Variants in TBC1D23 observed in about 807,000 individuals in gnomAD.
The protein encoded by TBC1D23 is HCV non-structural protein 4A-transactivated protein 1.
Under a neutral mutation model 91.4 loss-of-function variants are expected in TBC1D23, and 55 were observed. The ratio of observed to expected loss-of-function variants is 0.60; its 90% CI spans 0.48 to 0.75. The LOEUF is 0.75. Ranked by LOEUF, TBC1D23 falls within the 30% of genes least tolerant of loss-of-function variation. TBC1D23 has a pLI of 0.00. For synonymous variants in TBC1D23, 289 were observed against 281.0 expected, an observed-to-expected ratio of 1.03 and a Z score of -0.28; for missense variants, 725 against 836.1, an observed-to-expected ratio of 0.87 and a Z score of 1.64.
At chr3:100,264,402 C>T (rs1338840433) in intron 1 of TBC1D23, among the ~76,000 whole-genome samples, 1 of 149,276 alleles carries the variant, frequency 6.7e-6, no homozygotes, top group Non-Finnish European at 1.5e-5. Context: ...ATATATCTTA[C>T]TGCCTAGCTC....
intron 15 of TBC1D23, among the ~76,000 whole-genome samples, chr3:100,314,265 A>T (rs2148870704): frequency 6.6e-6 from 1 of 151,846 alleles, no homozygotes; most frequent in Non-Finnish European, 1.5e-5. Flanking sequence ...CACCCAGCTG[A>T]TTTTTAAATT....
chr3:100,261,164 G>A (rs2067507051), intron 1 of TBC1D23, 93 bp downstream of exon 1: 6 of 1,292,456 alleles, frequency 4.6e-6, no homozygotes, highest in Non-Finnish European at 5.6e-6. Context: ...CGTCGGCATG[G>A]AACGGAGAGG....
intron 18 of TBC1D23, among the ~76,000 whole-genome samples, chr3:100,321,246 T>C (rs922698732): frequency 1.3e-5 from 2 of 152,248 alleles, no homozygotes; most frequent in Non-Finnish European, 1.5e-5. Context: ...CACTAATTGC[T>C]GGCTTGCAGA....
chr3:100,261,223 G>T, intron 1 of TBC1D23, 152 bp downstream of exon 1: 2 of 695,036 alleles, frequency 2.9e-6, no homozygotes, highest in Non-Finnish European at 4.9e-6. Context: ...CTGCCAGCTG[G>T]GTGCCCCCTG....
chr3:100,261,114 T>C, intron 1 of TBC1D23, 43 bp downstream of exon 1: 1 of 1,579,564 alleles, frequency 6.3e-7, no homozygotes, highest in South Asian at 1.1e-5. Context: ...CCTTTATTCT[T>C]CCTTCTCACC....
At position 100,283,648 on chromosome 3, in the gene TBC1D23, T is replaced by G. The variant is rs1316601197; in HGVS notation, c.313T>G (p.Leu105Val). 6.2e-7 allele frequency: 1 copy of G among 1,613,850 alleles called. No homozygotes were observed. Among genetic ancestry groups the G allele is most frequent in the African/African-American group, 1.3e-5 (1 of 74,928 alleles). Residue 105 changes from leucine (L) to valine (V), a missense_variant, in exon 4 of 19, where the codon TTG becomes GTG. Coordinates refer to ENST00000394144, the MANE Select transcript of TBC1D23 (RefSeq NM_001199198.3). ...VPEEKAAELL[L>V]DIESVITFYC... Reference sequence around the variant, plus strand: ...AGAGGAGAAGGCAGCAGAATTACTTTTGGATATTGAATCTGTAATTACCTT... The same window carrying G: ...AGAGGAGAAGGCAGCAGAATTACTTGTGGATATTGAATCTGTAATTACCTT...
At position 100,316,166 on chromosome 3, in the gene TBC1D23, G is replaced by T. The variant is rs1705740881; in HGVS notation, c.1666G>T (p.Asp556Tyr). The T allele has an allele frequency of 6.2e-7, 1 of 1,613,764 alleles. No homozygotes were observed. The highest frequency in any genetic ancestry group is 1.7e-5 in the Admixed American group (1 of 60,000). Residue 556 changes from aspartate to tyrosine, a missense_variant, in exon 16 of 19, where the codon GAT becomes TAT. Asp to Tyr is a radical substitution (Grantham distance 160, BLOSUM62 -3). Coordinates refer to ENST00000394144, the MANE Select transcript of TBC1D23 (RefSeq NM_001199198.3). Reference protein sequence around the residue: ...RGVKPVFSIGDEEEYDTDEID... With the variant: ...RGVKPVFSIGYEEEYDTDEID... ...CGTAAAGCCTGTTTTCAGCATTGGG[G>T]ATGAAGAAGAATACGACACAGGTGT...
At chr3:100,273,845 C>T (rs917511690) in intron 1 of TBC1D23, among the ~76,000 whole-genome samples, 1 of 152,166 alleles carries the variant, frequency 6.6e-6, no homozygotes, top group African/African-American at 2.4e-5. Context: ...CCCTTCTTTA[C>T]ACTATATACA....
In TBC1D23 at chr3:100,264,544, T is replaced by C. The variant is rs138114707; in HGVS notation, c.53+3473T>C. Among the ~76,000 whole-genome samples, 712 of 152,332 alleles carry C rather than the reference T, an allele frequency of 4.7e-3. 2 individuals are homozygous for C. Among genetic ancestry groups the C allele is most frequent in the Non-Finnish European group, 6.3e-3 (432 of 68,034 alleles). On this transcript the variant is annotated intron_variant, in intron 1 of 18. Transcript: ENST00000394144. ...CATGTTTGAGAACATCGATTACTTT[T>C]GTGTTATTGTAATGTGGTGAGACTT...
intron 18 of TBC1D23, among the ~76,000 whole-genome samples, chr3:100,321,498 A>C (rs1280716166): frequency 2.0e-5 from 3 of 152,180 alleles, no homozygotes; most frequent in African/African-American, 7.2e-5. Flanking sequence ...AAAAATATGA[A>C]GCCCAGAGGG....
At position 100,299,221 on chromosome 3, in the gene TBC1D23, A is replaced by G; in HGVS notation, c.1000-18A>G. 6.4e-7 allele frequency: 1 copy of G among 1,573,818 alleles called. No individual in the cohort carries two copies. Among genetic ancestry groups the G allele is most frequent in the Non-Finnish European group, 8.7e-7 (1 of 1,144,858 alleles). On this transcript the variant is annotated intron_variant, in intron 9 of 18. Transcript: ENST00000394144. ...CTCATGGGAAATTCCTGTATGTCAA[A>G]TGTTGTTTCCGTTTTAGGAAGGAGT...
chr3:100,309,629 T>TTTTTTTG, intron 13 of TBC1D23, among the ~76,000 whole-genome samples: 1 of 148,148 alleles, frequency 6.8e-6, no homozygotes, highest in South Asian at 2.1e-4. Flanking sequence ...TTTTTTTTTT[T>TTTTTTTG]GAGACAGCGT....
At chr3:100,298,298 T>G (rs1705344428) in intron 9 of TBC1D23, among the ~76,000 whole-genome samples, 1 of 79,358 alleles carries the variant, frequency 1.3e-5, no homozygotes, top group Non-Finnish European at 2.3e-5. Flanking sequence ...TCGCCGTATC[T>G]TTTTTCCATA....
chr3:100,291,001 A>G (rs1349131810), intron 5 of TBC1D23, among the ~76,000 whole-genome samples: 1 of 152,226 alleles, frequency 6.6e-6, no homozygotes, highest in South Asian at 2.1e-4. Context: ...TGTAATAAAT[A>G]TGAATATGTA....
At chr3:100,299,432 C>G in intron 10 of TBC1D23, 101 bp downstream of exon 10, 1 of 603,646 alleles carries the variant, frequency 1.7e-6, no homozygotes, top group South Asian at 2.3e-5. Flanking sequence ...TTTCTTTCTG[C>G]TTAAGGAGGG....
At chr3:100,266,755 G>A (rs1457969314) in intron 1 of TBC1D23, among the ~76,000 whole-genome samples, 1 of 152,184 alleles carries the variant, frequency 6.6e-6, no homozygotes, top group Non-Finnish European at 1.5e-5. Flanking sequence ...AGTATAGTGA[G>A]CAATTCAGAG....
At chr3:100,297,409 A>G (rs937878047) in intron 8 of TBC1D23, among the ~76,000 whole-genome samples, 1 of 152,200 alleles carries the variant, frequency 6.6e-6, no homozygotes, top group Admixed American at 6.5e-5. Context: ...GTTCCTAACA[A>G]TGCTGTATAA....
chr3:100,311,919 C>G, intron 15 of TBC1D23, 42 bp downstream of exon 15: 1 of 1,340,648 alleles, frequency 7.5e-7, no homozygotes, highest in African/African-American at 1.4e-5. Flanking sequence ...CCATCCTTTT[C>G]CTTTAATATG....
At chr3:100,299,022 C>A (rs925351688) in intron 9 of TBC1D23, among the ~76,000 whole-genome samples, 1 of 152,118 alleles carries the variant, frequency 6.6e-6, no homozygotes. Context: ...CAGTAAAGAA[C>A]AACATCTAAA....
Sources: gnomAD v4.1 joint callset for allele counts (sites outside exome capture counted in the v4.1 genomes callset) on GRCh38, gnomAD v4.1.1 for gene constraint, MANE v1.5 for transcripts, NCBI Gene and HGNC (gene_info 2026-07-23, HGNC 2026-07-21) for gene names.